The following ABR variants were observed in gnomAD, a reference collection of about 807,000 sequenced individuals.
The protein encoded by ABR is active breakpoint cluster region-related protein.
Under a neutral mutation model 107.2 loss-of-function variants are expected in ABR, and 35 were observed. The ratio of observed to expected loss-of-function variants is 0.33; its 90% CI spans 0.25 to 0.43. The LOEUF is 0.43. Among genes scored for constraint, ABR ranks in the 20% least tolerant of loss-of-function variants. The probability of loss-of-function intolerance (pLI) is 1.00; values close to 1 mark genes in which losing one functional copy is unlikely to be tolerated. For synonymous variants in ABR, 498 were observed against 462.0 expected, an observed-to-expected ratio of 1.08 and a Z score of -1.00; for missense variants, 815 against 1,115.2, an observed-to-expected ratio of 0.73 and a Z score of 3.83.
chr17:1,227,584 C>A (rs2043245775), intron 1 of ABR, among the ~76,000 whole-genome samples: 1 of 152,190 alleles, frequency 6.6e-6, no homozygotes, highest in Admixed American at 6.5e-5. Flanking sequence ...CATTCAAATG[C>A]AAACTCATCC....
chr17:1,169,432 T>C (rs981992631), intron 1 of ABR, among the ~76,000 whole-genome samples: 1 of 152,236 alleles, frequency 6.6e-6, no homozygotes, highest in Non-Finnish European at 1.5e-5. Context: ...TTTATTCCTA[T>C]TGGGAAATGG....
Position 1,179,801 on chromosome 17 carries a change from C to A in ABR, c.-74G>T. 2 of 1,309,366 alleles carry A rather than the reference C, an allele frequency of 1.5e-6. No homozygotes were observed. Among genetic ancestry groups the A allele is most frequent in the Non-Finnish European group, 2.0e-6 (2 of 1,000,082 alleles). The allele number at this position is 1,309,366 out of a possible 1,614,324, so 81.1% of individuals were successfully genotyped here. ...ACAAAGGAGGGAGAGCGGGCGGGAG[C>A]CGGGGGAGGCCGAAGTTGCGAGCGC... On this transcript the variant is annotated 5_prime_UTR_variant, in exon 1 of 23. Coordinates refer to ENST00000302538, the MANE Select transcript of ABR (RefSeq NM_021962.5). The surrounding 1 kb of genome is among the most constrained non-coding windows in gnomAD (Gnocchi z 4.9).
At chr17:1,197,061 G>A (rs1054185400) in intron 1 of ABR, among the ~76,000 whole-genome samples, 6 of 151,604 alleles carry the variant, frequency 4.0e-5, no homozygotes, top group African/African-American at 1.5e-4. Context: ...CGGGAACCCC[G>A]GCTCCCCTGC....
At chr17:1,028,159 C>T (rs552270617) in intron 16 of ABR, among the ~76,000 whole-genome samples, 83 of 152,218 alleles carry the variant, frequency 5.5e-4, no homozygotes, top group African/African-American at 1.3e-3. Flanking sequence ...GGCATGATCT[C>T]GGCTCACTGC....
intron 1 of ABR, among the ~76,000 whole-genome samples, chr17:1,146,634 CA>C (rs2040541174): frequency 2.9e-5 from 1 of 34,090 alleles, no homozygotes; most frequent in African/African-American, 1.4e-4. Context: ...ACCACTGCCA[CA>C]TGCCACCACT....
intron 21 of ABR, 88 bp from the exon 22 acceptor site, chr17:1,007,400 C>T (rs2070137108): frequency 5.4e-6 from 8 of 1,494,344 alleles, no homozygotes; most frequent in Non-Finnish European, 7.3e-6. Flanking sequence ...GTGGGAACTC[C>T]TGAAGGACTC....
intron 16 of ABR, among the ~76,000 whole-genome samples, chr17:1,025,601 T>G (rs1198793944): frequency 6.6e-6 from 1 of 152,204 alleles, no homozygotes; most frequent in Non-Finnish European, 1.5e-5. Context: ...CCTCGGGGTG[T>G]GGACCTTGCC....
chr17:1,145,095 G>A (rs1267638223), intron 1 of ABR, among the ~76,000 whole-genome samples: 2 of 152,140 alleles, frequency 1.3e-5, no homozygotes, highest in African/African-American at 4.8e-5. Flanking sequence ...GTCTGAGTTC[G>A]TTTGGGTTAT....
At chr17:1,208,169 A>G (rs1456875745) in intron 1 of ABR, among the ~76,000 whole-genome samples, 1 of 152,130 alleles carries the variant, frequency 6.6e-6, no homozygotes, top group East Asian at 1.9e-4. Flanking sequence ...AGTGTTTATA[A>G]AAGAGAAGTT....
chr17:1,056,990 G>A lies in ABR; in HGVS notation c.1486+8C>T, dbSNP rs777935057. ...GCCGGTTGGGCCACCTCTGGTTCCC[G>A]AGCTTACCGTCTTTATTGCTGGTGA... On this transcript the variant is annotated splice_region_variant and intron_variant, in intron 13 of 22. Coordinates refer to ENST00000302538, the MANE Select transcript of ABR (RefSeq NM_021962.5). 6.0e-5 allele frequency: 96 copies of A among 1,599,338 alleles called. No homozygotes were observed. The highest frequency in any genetic ancestry group is 7.4e-5 in the Non-Finnish European group (87 of 1,167,958).
At chr17:1,012,055 G>A (rs754057146) in intron 18 of ABR, 70 bp from the exon 19 acceptor site, 7 of 1,595,098 alleles carry the variant, frequency 4.4e-6, no homozygotes, top group Admixed American at 1.7e-5. Context: ...CCCCCACCCA[G>A]CACACACACA....
chr17:1,226,005 C>T (rs9330554), intron 1 of ABR, among the ~76,000 whole-genome samples: 23,182 of 152,026 alleles, frequency 0.15, 2,731 homozygotes, highest in African/African-American at 0.32. Flanking sequence ...CGCATAGAAC[C>T]GAAACGGAGT....
intron 13 of ABR, among the ~76,000 whole-genome samples, chr17:1,056,775 C>T (rs1322132091): frequency 6.6e-6 from 1 of 152,196 alleles, no homozygotes; most frequent in Non-Finnish European, 1.5e-5. Flanking sequence ...TGCCAGTTCT[C>T]CCAAGCCAGA....
intron 1 of ABR, among the ~76,000 whole-genome samples, chr17:1,214,809 A>T (rs62088684): frequency 0.43 from 64,927 of 150,698 alleles, 14,719 homozygotes; most frequent in Non-Finnish European, 0.52. Flanking sequence ...CTCAAAGAAA[A>T]AAATATATAT....
At chr17:1,201,531 A>G (rs1282855097) in intron 1 of ABR, among the ~76,000 whole-genome samples, 2 of 152,150 alleles carry the variant, frequency 1.3e-5, no homozygotes, top group African/African-American at 4.8e-5. Flanking sequence ...AAACAAGACA[A>G]AAAGTGAAAC....
At chr17:1,175,390 C>T (rs1215662181) in intron 1 of ABR, among the ~76,000 whole-genome samples, 2 of 152,120 alleles carry the variant, frequency 1.3e-5, no homozygotes, top group Non-Finnish European at 2.9e-5. Context: ...CCAGCCTGGG[C>T]GAGAGAGCGA....
At chr17:1,082,185 T>C (rs1307204704) in intron 5 of ABR, among the ~76,000 whole-genome samples, 2 of 152,100 alleles carry the variant, frequency 1.3e-5, no homozygotes, top group African/African-American at 4.8e-5. Context: ...TTCTCCCCTT[T>C]TCTAGGATGG....
intron 22 of ABR, 32 bp from the exon 23 acceptor site, chr17:1,006,201 T>C: frequency 3.3e-6 from 5 of 1,529,486 alleles, no homozygotes; most frequent in Non-Finnish European, 4.4e-6. Context: ...GAGGCTGGGC[T>C]CCCTGTCCTA....
At chr17:1,020,363 G>A (rs889309885) in intron 16 of ABR, among the ~76,000 whole-genome samples, 2 of 152,322 alleles carry the variant, frequency 1.3e-5, no homozygotes, top group East Asian at 1.9e-4. Context: ...GATTCCAGGC[G>A]TGAGCCCCTG....
Sources: allele counts gnomAD v4.1 joint callset (sites outside exome capture counted in the v4.1 genomes callset), GRCh38; gene constraint gnomAD v4.1.1; non-coding constraint Gnocchi (gnomAD v3.1); transcripts MANE v1.5; gene names NCBI Gene and HGNC (gene_info 2026-07-23, HGNC 2026-07-21).